Variants in DHX9 observed in about 807,000 individuals in gnomAD.
The protein encoded by DHX9 is DExH-box helicase 9, also known as ATP-dependent RNA helicase A.
DHX9 carries 27 observed loss-of-function variants against 148.7 expected under a neutral mutation model. The observed-to-expected ratio is 0.18, with a 90% confidence interval of 0.13 to 0.25. The LOEUF (loss-of-function observed/expected upper bound fraction) is 0.25. Among genes scored for constraint, DHX9 ranks in the 10% least tolerant of loss-of-function variants. DHX9 has a pLI of 1.00. For missense variants in DHX9, 796 were observed against 1,559.6 expected (o/e 0.51, Z 8.25); for synonymous variants, 529 against 516.6 (o/e 1.02, Z -0.33).
At position 182,858,165 on chromosome 1, in the gene DHX9, A is replaced by G; in HGVS notation, c.735A>G (p.Ser245=). 6.2e-7 allele frequency: 1 copy of G among 1,614,156 alleles called. No homozygotes were observed. Among genetic ancestry groups the G allele is most frequent in the Non-Finnish European group, 8.5e-7 (1 of 1,180,002 alleles). Residue 245 remains serine, a synonymous_variant, in exon 8 of 28, where the codon TCA becomes TCG. Coordinates refer to ENST00000367549, the MANE Select transcript of DHX9 (RefSeq NM_001357.5). ...KKLAAQSCAL[S]LVRQLYHLGV... is the part of the protein sequence containing the mutation. Reference sequence around the variant, plus strand: ...TGGCAGCACAGTCCTGTGCCCTGTCACTTGTCAGACAACTGTACCATCTTG... The same window carrying G: ...TGGCAGCACAGTCCTGTGCCCTGTCGCTTGTCAGACAACTGTACCATCTTG...
In DHX9 at chr1:182,881,630, A is replaced by C. The variant is rs1183026017; in HGVS notation, c.2897A>C (p.Asn966Thr). Residue 966 changes from asparagine (N) to threonine (T), a missense_variant, in exon 24 of 28, where the codon AAT (asparagine) becomes ACT (threonine). Asn to Thr is a moderately conservative substitution (Grantham distance 65). Transcript: ENST00000367549. ...AKVQLKEILI[N>T]SGFPEDCLLT... is the part of the protein sequence containing the mutation. ...GTTCAGCTCAAAGAGATTTTGATTA[A>C]TTCTGGGTTTCCAGAAGGTAAGACT... is the stretch of plus-strand genomic sequence containing the variant. 6.2e-7 allele frequency: 1 copy of C among 1,604,550 alleles called. No homozygotes were observed. Among genetic ancestry groups the C allele is most frequent in the Non-Finnish European group, 8.5e-7 (1 of 1,177,546 alleles).
At chr1:182,862,166 A>G (rs934751247) in intron 12 of DHX9, among the ~76,000 whole-genome samples, 2 of 152,178 alleles carry the variant, frequency 1.3e-5, no homozygotes, top group African/African-American at 2.4e-5. Context: ...GTAGCCATCT[A>G]TAGGAAACCA....
At chr1:182,865,425 A>G (rs993914622) in intron 12 of DHX9, among the ~76,000 whole-genome samples, 2 of 152,240 alleles carry the variant, frequency 1.3e-5, no homozygotes, top group African/African-American at 4.8e-5. Flanking sequence ...TTGAACCTTC[A>G]GAACTTTGGT....
intron 10 of DHX9, 58 bp from the exon 11 acceptor site, chr1:182,858,982 T>G: frequency 6.2e-7 from 1 of 1,611,034 alleles, no homozygotes; most frequent in Non-Finnish European, 8.5e-7. Flanking sequence ...AAAAATGGAT[T>G]TATTTTGAAG....
chr1:182,886,704 A>G (rs951589557), intron 27 of DHX9, among the ~76,000 whole-genome samples: 1 of 152,246 alleles, frequency 6.6e-6, no homozygotes, highest in South Asian at 2.1e-4. Context: ...TTTCAAAATC[A>G]TATTTCAGAA....
chr1:182,851,693 A>G (rs978590071), intron 3 of DHX9, among the ~76,000 whole-genome samples: 1 of 152,208 alleles, frequency 6.6e-6, no homozygotes, highest in Admixed American at 6.5e-5. Context: ...TAGAAAACCA[A>G]TATATTTTAT....
chr1:182,843,256 C>T, intron 2 of DHX9, 38 bp from the exon 3 acceptor site: 1 of 1,494,928 alleles, frequency 6.7e-7, no homozygotes, highest in Non-Finnish European at 8.9e-7. Context: ...TCAGAATTAC[C>T]CAGGTCAGTC....
chr1:182,874,923 A>G lies in DHX9; in HGVS notation c.1784A>G (p.Asp595Gly). 6.2e-7 allele frequency: 1 copy of G among 1,613,384 alleles called. No homozygotes were observed. Among genetic ancestry groups the G allele is most frequent in the Non-Finnish European group, 8.5e-7 (1 of 1,179,418 alleles). Residue 595 changes from aspartate (D) to glycine (G), a missense_variant, in exon 16 of 28, where the codon GAT becomes GGT. Coordinates refer to ENST00000367549, the MANE Select transcript of DHX9 (RefSeq NM_001357.5). The stretch of plus-strand genomic sequence containing the variant: ...CCACCAAAAGACAAAAAGAAGAAGG[A>G]TAAGGATGATGATGGTGGTGAGGAT... ...VPPPKDKKKKDKDDDGGEDDD... is the reference protein window; with the variant it reads ...VPPPKDKKKKGKDDDGGEDDD...
rs772152499 is a variant in DHX9 at position 182,884,608 on chromosome 1, T to G, written c.3261-5T>G. 1.9e-6 allele frequency: 3 copies of G among 1,613,908 alleles called. No homozygotes were observed. In the African/African-American group the frequency reaches 4.0e-5, roughly 22 times the overall value. ...TCTTATTTTTAATGTATTTCGCCAC[T>G]TTAGGATTAAACTGCAAATATCTCA... On this transcript the variant is annotated splice_polypyrimidine_tract_variant and splice_region_variant and intron_variant, in intron 26 of 27. Coordinates refer to ENST00000367549, the MANE Select transcript of DHX9 (RefSeq NM_001357.5).
intron 3 of DHX9, among the ~76,000 whole-genome samples, chr1:182,850,214 C>T (rs1226247025): frequency 6.6e-6 from 1 of 152,002 alleles, no homozygotes; most frequent in Admixed American, 6.6e-5. Flanking sequence ...CTGTCAGATA[C>T]TTGTGTCTTT....
chr1:182,881,181 A>C (rs1649069644), intron 22 of DHX9, 83 bp from the exon 23 acceptor site: 1 of 1,404,518 alleles, frequency 7.1e-7, no homozygotes, highest in Non-Finnish European at 9.6e-7. Flanking sequence ...TAAAGACTGC[A>C]ACCCACAGTC....
At chr1:182,886,406 G>A (rs1300600556) in intron 27 of DHX9, among the ~76,000 whole-genome samples, 1 of 151,964 alleles carries the variant, frequency 6.6e-6, no homozygotes, top group African/African-American at 2.4e-5. Context: ...ATGTTGCCCA[G>A]GCTAGTCTCT....
intron 18 of DHX9, 76 bp from the exon 19 acceptor site, chr1:182,876,754 A>C (rs925003863): frequency 9.3e-5 from 98 of 1,056,222 alleles, no homozygotes; most frequent in Non-Finnish European, 1.0e-4. Context: ...GTCATTTGTT[A>C]CATACATAAG....
chr1:182,881,324 T>C lies in DHX9; in HGVS notation c.2685T>C (p.Asn895=). The C allele has an allele frequency of 6.2e-7, 1 of 1,614,196 alleles. No individual in the cohort carries two copies. Among genetic ancestry groups the C allele is most frequent in the Non-Finnish European group, 8.5e-7 (1 of 1,180,018 alleles). ...CCTGCTTTCCAGAGCCTTTCATCAA[T>C]GAAGGAAAGCGGCTGGGCTATATCC... ...AATCFPEPFI[N]EGKRLGYIHR... Residue 895 remains asparagine (N), a synonymous_variant, in exon 23 of 28, where the codon AAT becomes AAC. Coordinates refer to ENST00000367549, the MANE Select transcript of DHX9 (RefSeq NM_001357.5).
intron 7 of DHX9, among the ~76,000 whole-genome samples, chr1:182,857,423 A>G (rs969267593): frequency 1.3e-5 from 2 of 152,252 alleles, no homozygotes; most frequent in African/African-American, 4.8e-5. Flanking sequence ...TCAGCAAACT[A>G]TAGCCCTCTG....
chr1:182,876,624 A>C lies in DHX9; in HGVS notation c.2124+83A>C, dbSNP rs1380639085. 6.2e-6 allele frequency: 8 copies of C among 1,292,574 alleles called. No homozygotes were observed. In the East Asian group the frequency reaches 9.6e-5, roughly 16 times the overall value. The allele number at this position is 1,292,574 out of a possible 1,614,324, so 80.1% of individuals were successfully genotyped here. A position where few individuals can be genotyped will look rare whatever the true frequency, so the allele number is the denominator to read the frequency against. On this transcript the variant is annotated intron_variant, in intron 18 of 27. Transcript: ENST00000367549. ...TTACAGGCTTTCAAAGAGCTACCCAAAAAATTGTAACCCATCTAAATTGAG... is the reference window on the plus strand; with the variant it reads ...TTACAGGCTTTCAAAGAGCTACCCACAAAATTGTAACCCATCTAAATTGAG...
At chr1:182,847,624 A>G (rs1319208610) in intron 3 of DHX9, among the ~76,000 whole-genome samples, 1 of 152,142 alleles carries the variant, frequency 6.6e-6, no homozygotes, top group Non-Finnish European at 1.5e-5. Flanking sequence ...CCTTTCCAGC[A>G]TTCCCTCACT....
chr1:182,869,208 G>C (rs1648433661), intron 14 of DHX9, among the ~76,000 whole-genome samples: 1 of 152,222 alleles, frequency 6.6e-6, no homozygotes, highest in Admixed American at 6.5e-5. Context: ...TGGGTCTCTT[G>C]AGGTCTGTGT....
At chr1:182,847,466 T>C (rs1240195782) in intron 3 of DHX9, among the ~76,000 whole-genome samples, 1 of 152,150 alleles carries the variant, frequency 6.6e-6, no homozygotes, top group Non-Finnish European at 1.5e-5. Flanking sequence ...CTCACCTCAG[T>C]TTTCTGATCA....
Sources: gnomAD v4.1 joint callset for allele counts (sites outside exome capture counted in the v4.1 genomes callset) on GRCh38, gnomAD v4.1.1 for gene constraint, MANE v1.5 for transcripts, NCBI Gene and HGNC (gene_info 2026-07-23, HGNC 2026-07-21) for gene names.